OLR1: variants seen among roughly 807,000 people sequenced by gnomAD.
OLR1 encodes oxidized low density lipoprotein receptor 1.
A neutral mutation model predicts 31.7 loss-of-function variants in OLR1; 23 were observed. The ratio of observed to expected loss-of-function variants is 0.72; its 90% CI spans 0.52 to 1.03. The LOEUF (loss-of-function observed/expected upper bound fraction) is 1.03. OLR1 is among the 50% of genes least tolerant of loss of function. OLR1 has a pLI of 0.00. For missense variants in OLR1, 286 were observed against 315.7 expected (o/e 0.91, Z 0.71); for synonymous variants, 117 against 115.8 (o/e 1.01, Z -0.07).
In OLR1 at chr12:10,158,955, T is replaced by C. The variant is rs1182717512; in HGVS notation, c.*925A>G. 7 of 152,238 alleles carry C rather than the reference T, an allele frequency of 4.6e-5. No individual in the cohort carries two copies. The highest frequency in any genetic ancestry group is 1.9e-4 in the East Asian group (1 of 5,206). 9.4% of individuals were successfully genotyped at this position (152,238 alleles called of 1,614,324 possible). ...CTGTTTCTATTCAGCGATATTTGCA[T>C]ACCTGGCTTAGTTTGTTCTAGATTG... is the stretch of plus-strand genomic sequence containing the variant. On this transcript the variant is annotated 3_prime_UTR_variant, in exon 6 of 6. Coordinates refer to ENST00000309539, the MANE Select transcript of OLR1 (RefSeq NM_002543.4).
rs758642110 is a variant in OLR1, at chr12:10,172,005, T to C, written c.73A>G (p.Lys25Glu). The change falls in exon 1 of 6, where the codon AAA becomes GAA. Residue 25 changes from lysine (K) to glutamate (E), a missense_variant. By Grantham distance (56) the Lys-to-Glu change is moderately conservative. Coordinates refer to ENST00000309539, the MANE Select transcript of OLR1 (RefSeq NM_002543.4). ...PDEKSNGKKAKGLQFLYSPWW... is the reference protein window; with the variant it reads ...PDEKSNGKKAEGLQFLYSPWW... ...CACATTTTCCCATCCCTAGTACCTT[T>C]AGCTTTTTTTCCATTTGACTTCTCA... The C allele has an allele frequency of 2.5e-6, 4 of 1,612,320 alleles. No individual in the cohort carries two copies. Among genetic ancestry groups the C allele is most frequent in the South Asian group, 2.2e-5 (2 of 91,030 alleles).
In OLR1 at chr12:10,166,830, G is replaced by A; in HGVS notation, c.306C>T (p.Leu102=). The A allele has an allele frequency of 6.2e-7, 1 of 1,613,664 alleles. No homozygotes were observed. The highest frequency in any genetic ancestry group is 8.5e-7 in the Non-Finnish European group (1 of 1,179,994). The change falls in exon 3 of 6, where the codon CTC becomes CTT. Residue 102 remains leucine (L), a synonymous_variant. Transcript: ENST00000309539. ...EEASQESENE[L]KEMIETLARK... is the part of the protein sequence containing the mutation. ...GAGCAAGGGTTTCTATCATTTCCTT[G>A]AGTTCGTTTTCTGACTCCTGTGAAG...
At chr12:10,165,857 G>T (rs1236488819) in intron 3 of OLR1, among the ~76,000 whole-genome samples, 2 of 152,180 alleles carry the variant, frequency 1.3e-5, no homozygotes, top group Non-Finnish European at 2.9e-5. Flanking sequence ...CAAAAGGTAT[G>T]CTTAATTAAA....
In OLR1 at chr12:10,160,018, A is replaced by G. The variant is rs542361762; in HGVS notation, c.684T>C (p.Phe228=). 5 of 1,596,810 alleles carry G rather than the reference A, an allele frequency of 3.1e-6. No homozygotes were observed. In the South Asian group the frequency reaches 5.6e-5, roughly 18 times the overall value. Residue 228 remains phenylalanine, a synonymous_variant, in exon 6 of 6, where the codon TTT becomes TTC. Coordinates refer to ENST00000309539, the MANE Select transcript of OLR1 (RefSeq NM_002543.4). ...EDGSPLMPHL[F]RVRGAVSQTY... ...TCTGGGAGACAGCGCCTCGGACTCT[A>G]AATCTGCAGGTAGGAAAAAACAAAA...
At position 10,169,129 on chromosome 12, in the gene OLR1, A is replaced by T. The variant is rs1948687614; in HGVS notation, c.123T>A (p.Thr41=). Residue 41 remains threonine (T), a synonymous_variant, in exon 2 of 6, where the codon ACT becomes ACA. Transcript: ENST00000309539. ...YSPWWCLAAA[T]LGVLCLGLVV... ...CTAATCCCAGGCAAAGGACCCCTAG[A>T]GTCGCAGCAGCCAGGCACCACCATG... 1.2e-6 allele frequency: 2 copies of T among 1,613,982 alleles called. No individual in the cohort carries two copies. Among genetic ancestry groups the T allele is most frequent in the East Asian group, 2.2e-5 (1 of 44,882 alleles).
At chr12:10,162,771 T>G (rs1948630503) in intron 3 of OLR1, among the ~76,000 whole-genome samples, 1 of 152,180 alleles carries the variant, frequency 6.6e-6, no homozygotes, top group Non-Finnish European at 1.5e-5. Flanking sequence ...GAGGTTGCAG[T>G]GAGCTGAGAT....
upstream of OLR1, among the ~76,000 whole-genome samples, chr12:10,173,954 C>T (rs1565424276): frequency 1.3e-5 from 2 of 152,082 alleles, no homozygotes; most frequent in African/African-American, 4.8e-5. Flanking sequence ...GTTGTGCAGC[C>T]ATCACCACCA....
intron 1 of OLR1, chr12:10,170,911 A>T (rs914335621): frequency 7.2e-5 from 11 of 152,192 alleles, no homozygotes; most frequent in African/African-American, 2.7e-4. Flanking sequence ...GGCAGAGACC[A>T]TTAATCCAAC....
intron 2 of OLR1, among the ~76,000 whole-genome samples, chr12:10,168,034 A>C (rs1170574594): frequency 1.3e-5 from 2 of 152,198 alleles, no homozygotes; most frequent in Non-Finnish European, 2.9e-5. Flanking sequence ...AGTATTTACA[A>C]ATTTAAAATA....
Position 10,172,098 on chromosome 12 carries a change from T to C in OLR1, c.-21A>G, listed in dbSNP as rs912071512. On this transcript the variant is annotated 5_prime_UTR_variant, in exon 1 of 6. Coordinates refer to ENST00000309539, the MANE Select transcript of OLR1 (RefSeq NM_002543.4). ...GTCATTTCCAAATTCAAGCTAAGAATGAGAGAGTGAAGCAGTCACGAACTT... is the reference window on the plus strand; with the variant it reads ...GTCATTTCCAAATTCAAGCTAAGAACGAGAGAGTGAAGCAGTCACGAACTT... The C allele has an allele frequency of 1.3e-5, 21 of 1,592,618 alleles. No individual in the cohort carries two copies. The highest frequency in any genetic ancestry group is 1.7e-5 in the Non-Finnish European group (20 of 1,160,992).
chr12:10,169,051 C>T (rs764011062), intron 2 of OLR1, 23 bp downstream of exon 2: 5 of 1,534,460 alleles, frequency 3.3e-6, no homozygotes, highest in Admixed American at 3.8e-5. Context: ...CAATAAACAT[C>T]AGTTCCGTAT....
At chr12:10,174,146 C>G (rs186580092), upstream of OLR1, among the ~76,000 whole-genome samples, 4 of 152,250 alleles carry the variant, frequency 2.6e-5, no homozygotes, top group Admixed American at 6.5e-5. Context: ...CTGCAACCTC[C>G]GCCTCCTGGG....
At chr12:10,160,104 CTT>C (rs1468461923) in intron 5 of OLR1, 83 bp from the exon 6 acceptor site, 1 of 1,457,352 alleles carries the variant, frequency 6.9e-7, no homozygotes, top group African/African-American at 1.4e-5. Flanking sequence ...GCTTTTGAAA[CTT>C]TTTGTCTTAA....
chr12:10,162,222 G>C (rs931110433), intron 3 of OLR1, among the ~76,000 whole-genome samples: 1 of 151,952 alleles, frequency 6.6e-6, no homozygotes, highest in Non-Finnish European at 1.5e-5. Flanking sequence ...GGGAAACAAA[G>C]TACTCTGGTC....
chr12:10,174,541 C>T (rs963307510), upstream of OLR1, among the ~76,000 whole-genome samples: 6 of 152,202 alleles, frequency 3.9e-5, no homozygotes, highest in African/African-American at 1.4e-4. Context: ...AAAGAATCCC[C>T]CAGCTGTCTA....
intron 3 of OLR1, among the ~76,000 whole-genome samples, chr12:10,162,975 G>GTGTA (rs1555087246): frequency 1.3e-5 from 2 of 148,570 alleles, no homozygotes; most frequent in South Asian, 4.2e-4. Context: ...GTGTGTGTGT[G>GTGTA]TACACAAAAA....
rs34418327 is a variant in OLR1 at position 10,161,016 on chromosome 12, C to T, written c.425-91G>A. ...ATCAATGATCCCCTTAGTTCTCTCACGTGCATACTATTTATTTTTGTTTTT... is the reference window on the plus strand; with the variant it reads ...ATCAATGATCCCCTTAGTTCTCTCATGTGCATACTATTTATTTTTGTTTTT... On this transcript the variant is annotated intron_variant, in intron 3 of 5. Transcript: ENST00000309539. The T allele has an allele frequency of 1.8e-5, 23 of 1,251,296 alleles. No individual in the cohort carries two copies. The East Asian group carries it at 3.3e-4, about 18-fold the overall frequency. 77.5% of individuals were successfully genotyped at this position (1,251,296 alleles called of 1,614,324 possible).
intron 1 of OLR1, among the ~76,000 whole-genome samples, chr12:10,169,968 T>C (rs1948697040): frequency 6.6e-6 from 1 of 151,666 alleles, no homozygotes; most frequent in South Asian, 2.1e-4. Context: ...TAGGAAAACA[T>C]CCCATACAAT....
chr12:10,160,052 CA>C (rs377113985), intron 5 of OLR1, 31 bp from the exon 6 acceptor site: 15 of 1,571,980 alleles, frequency 9.5e-6, no homozygotes, highest in Non-Finnish European at 1.3e-5. Flanking sequence ...AACAAACCAA[CA>C]AAAAAACTTA....
Sources: gnomAD v4.1 joint callset for allele counts (sites outside exome capture counted in the v4.1 genomes callset) on GRCh38, gnomAD v4.1.1 for gene constraint, MANE v1.5 for transcripts, NCBI Gene and HGNC (gene_info 2026-07-23, HGNC 2026-07-21) for gene names.